ANO3: variants seen among roughly 807,000 people sequenced by gnomAD.
ANO3 encodes the protein anoctamin-3.
Under a neutral mutation model 144.8 loss-of-function variants are expected in ANO3, and 99 were observed. The ratio of observed to expected loss-of-function variants is 0.68; its 90% CI spans 0.58 to 0.81. The LOEUF (loss-of-function observed/expected upper bound fraction) is 0.81. Ranked by LOEUF, ANO3 falls within the 30% of genes least tolerant of loss-of-function variation. ANO3 has a pLI of 0.00. For synonymous variants in ANO3, 414 were observed against 392.6 expected (o/e 1.05, Z -0.64); for missense variants, 905 against 1,202.2 (o/e 0.75, Z 3.66).
chr11:26,411,069 A>G lies in ANO3; in HGVS notation c.47-30849A>G, dbSNP rs1368210708. Among the ~76,000 whole-genome samples the G allele has an allele frequency of 2.0e-5, 3 of 152,016 alleles. No individual in the cohort carries two copies. The East Asian group carries it at 5.8e-4, about 29-fold the overall frequency. The stretch of plus-strand genomic sequence containing the variant: ...AAAAGAGAAACATTTCCTAACTTCA[A>G]TGGGAAAAGAAGCATCCATTTGTAA... On this transcript the variant is annotated intron_variant, in intron 1 of 26. Coordinates refer to ENST00000256737, the MANE Select transcript of ANO3 (RefSeq NM_031418.4).
At chr11:26,389,517 G>A (rs1184180849) in intron 1 of ANO3, among the ~76,000 whole-genome samples, 3 of 151,970 alleles carry the variant, frequency 2.0e-5, no homozygotes, top group Non-Finnish European at 4.4e-5. Context: ...TGCCGTTTTA[G>A]TCAATGTGAT....
chr11:26,548,753 A>G (rs554158513), intron 12 of ANO3, among the ~76,000 whole-genome samples: 1 of 152,044 alleles, frequency 6.6e-6, no homozygotes, highest in East Asian at 1.9e-4. Flanking sequence ...ACCTACTGCA[A>G]AAACCCATTT....
intron 1 of ANO3, among the ~76,000 whole-genome samples, chr11:26,310,884 A>T (rs1854488319): frequency 6.6e-6 from 1 of 152,226 alleles, no homozygotes; most frequent in African/African-American, 2.4e-5. Context: ...CCATACACAC[A>T]GTAAAAGCCA....
At chr11:26,301,760 C>A (rs1677999777) in intron 1 of ANO3, among the ~76,000 whole-genome samples, 1 of 152,146 alleles carries the variant, frequency 6.6e-6, no homozygotes, top group Admixed American at 6.5e-5. Context: ...TGTTTTATTT[C>A]TTCCATCCCT....
chr11:26,205,296 A>G (rs1217686706), intron 1 of ANO3, among the ~76,000 whole-genome samples: 3 of 152,170 alleles, frequency 2.0e-5, no homozygotes, highest in South Asian at 2.1e-4. Flanking sequence ...CCTCATTTGC[A>G]TCCTGTTAGA....
chr11:26,380,581 AT>A (rs1312561216), intron 1 of ANO3, among the ~76,000 whole-genome samples: 2 of 152,182 alleles, frequency 1.3e-5, no homozygotes, highest in Non-Finnish European at 2.9e-5. Context: ...CCTCTTTTAC[AT>A]GGCATTAATG....
intron 14 of ANO3, among the ~76,000 whole-genome samples, chr11:26,573,163 G>A (rs914569576): frequency 6.6e-6 from 1 of 152,232 alleles, no homozygotes; most frequent in East Asian, 1.9e-4. Flanking sequence ...AGCGAGAAAC[G>A]AAACTTTAGC....
At chr11:26,266,703 G>T (rs1229441065) in intron 1 of ANO3, among the ~76,000 whole-genome samples, 1 of 151,698 alleles carries the variant, frequency 6.6e-6, no homozygotes, top group Non-Finnish European at 1.5e-5. Flanking sequence ...AAAGTGCTGG[G>T]ATTACAGGCG....
At chr11:26,348,106 A>AATACTTTCC (rs1211411265) in intron 1 of ANO3, among the ~76,000 whole-genome samples, 1 of 152,202 alleles carries the variant, frequency 6.6e-6, no homozygotes, top group Non-Finnish European at 1.5e-5. Flanking sequence ...ATTTTTCAAT[A>AATACTTTCC]ATACTTTCCC....
At chr11:26,508,415 A>G in intron 5 of ANO3, 153 bp downstream of exon 5, 2 of 568,082 alleles carry the variant, frequency 3.5e-6, no homozygotes, top group Non-Finnish European at 5.8e-6. Flanking sequence ...ACATAGCCCT[A>G]TTAAATATGT....
At chr11:26,406,211 G>A (rs1169624262) in intron 1 of ANO3, among the ~76,000 whole-genome samples, 1 of 151,864 alleles carries the variant, frequency 6.6e-6, no homozygotes, top group African/African-American at 2.4e-5. Flanking sequence ...GTATGGTCCT[G>A]TTTGCTATGC....
intron 1 of ANO3, among the ~76,000 whole-genome samples, chr11:26,200,474 C>A (rs892575366): frequency 1.3e-5 from 2 of 152,202 alleles, no homozygotes; most frequent in African/African-American, 2.4e-5. Flanking sequence ...TAAATTACTA[C>A]AATTTGTTGT....
At chr11:26,295,034 G>C (rs564396830) in intron 1 of ANO3, among the ~76,000 whole-genome samples, 2 of 152,078 alleles carry the variant, frequency 1.3e-5, no homozygotes, top group Non-Finnish European at 2.9e-5. Context: ...GAGTAACTGG[G>C]ACTATAGGCG....
intron 1 of ANO3, among the ~76,000 whole-genome samples, chr11:26,244,757 C>G (rs753806593): frequency 3.3e-5 from 5 of 152,238 alleles, no homozygotes; most frequent in African/African-American, 1.2e-4. Context: ...CATCCTACAT[C>G]TTCTGTGGTC....
At chr11:26,483,582 C>T (rs372545704) in intron 4 of ANO3, among the ~76,000 whole-genome samples, 1 of 152,248 alleles carries the variant, frequency 6.6e-6, no homozygotes, top group Middle Eastern at 3.4e-3. Flanking sequence ...TTTCTGAGTG[C>T]CCCCCTCCCA....
At chr11:26,636,132 C>T (rs1323826163) in intron 20 of ANO3, among the ~76,000 whole-genome samples, 1 of 152,078 alleles carries the variant, frequency 6.6e-6, no homozygotes, top group Admixed American at 6.6e-5. Context: ...CCCAGGAGTT[C>T]GAGGATGCAG....
intron 14 of ANO3, among the ~76,000 whole-genome samples, chr11:26,596,525 T>C (rs748571462): frequency 1.5e-4 from 23 of 152,132 alleles, no homozygotes; most frequent in Non-Finnish European, 2.6e-4. Context: ...TATGCCTGAA[T>C]TGGGAGAGTC....
chr11:26,659,491 C>T (rs1853810760), intron 26 of ANO3, among the ~76,000 whole-genome samples: 1 of 151,690 alleles, frequency 6.6e-6, no homozygotes, highest in Non-Finnish European at 1.5e-5. Context: ...CCCAGGAGCT[C>T]GAGGCCAGTC....
chr11:26,408,371 A>G (rs1857343803), intron 1 of ANO3, among the ~76,000 whole-genome samples: 1 of 152,072 alleles, frequency 6.6e-6, no homozygotes, highest in Non-Finnish European at 1.5e-5. Context: ...AACACATGAA[A>G]AAATGCTCAT....
Sources: gnomAD v4.1 joint callset for allele counts (sites outside exome capture counted in the v4.1 genomes callset) on GRCh38, gnomAD v4.1.1 for gene constraint, MANE v1.5 for transcripts, NCBI Gene and HGNC (gene_info 2026-07-23, HGNC 2026-07-21) for gene names.